PHF14: variants seen among roughly 807,000 people sequenced by gnomAD.
PHF14 encodes PHD finger protein 14.
In PHF14, 55 loss-of-function variants were observed where a neutral mutation model predicts 117.9. That is an observed-to-expected ratio of 0.47 (90% CI 0.38 to 0.58). PHF14 has a LOEUF of 0.58. Ranked by LOEUF, PHF14 falls within the 20% of genes least tolerant of loss-of-function variation. The pLI, the probability that PHF14 is intolerant of heterozygous loss-of-function variation, is 0.00. For synonymous variants in PHF14, 409 were observed against 368.6 expected (o/e 1.11, Z -1.26); for missense variants, 978 against 1,122.2 (o/e 0.87, Z 1.84).
intron 17 of PHF14, among the ~76,000 whole-genome samples, chr7:11,165,174 C>T (rs543239375): frequency 3.9e-5 from 6 of 152,290 alleles, no homozygotes; most frequent in South Asian, 2.1e-4. Flanking sequence ...CCGCCTGCCT[C>T]GGCCTCCCAA....
chr7:10,997,058 G>A (rs1782678552), intron 4 of PHF14, among the ~76,000 whole-genome samples: 2 of 152,174 alleles, frequency 1.3e-5, no homozygotes, highest in African/African-American at 4.8e-5. Context: ...GGTGCCTTTT[G>A]CATATTTGCC....
At chr7:11,014,115 A>T (rs1023316800) in intron 5 of PHF14, among the ~76,000 whole-genome samples, 1 of 152,178 alleles carries the variant, frequency 6.6e-6, no homozygotes, top group Non-Finnish European at 1.5e-5. Context: ...TTACATCCAT[A>T]ATCTTAATTA....
chr7:11,114,116 T>G (rs765287418), intron 17 of PHF14, among the ~76,000 whole-genome samples: 8 of 152,216 alleles, frequency 5.3e-5, no homozygotes, highest in Middle Eastern at 3.4e-3. Flanking sequence ...GCAAATAAAT[T>G]TAGATGGTAA....
Position 10,977,006 on chromosome 7 carries a change from A to G in PHF14, c.112+2061A>G, listed in dbSNP as rs148639360. Reference sequence around the variant, plus strand: ...AATGATTAGTAGTCAACAGAAATTGAATCATATTTTTGACTCTTGTTTTAG... The same window carrying G: ...AATGATTAGTAGTCAACAGAAATTGGATCATATTTTTGACTCTTGTTTTAG... On this transcript the variant is annotated intron_variant, in intron 2 of 17. Coordinates refer to ENST00000634607, the MANE Select transcript of PHF14 (RefSeq NM_001007157.2). Among the ~76,000 whole-genome samples, 596 of 151,814 alleles carry G rather than the reference A, an allele frequency of 3.9e-3. 6 individuals are homozygous for G. Among genetic ancestry groups the G allele is most frequent in the African/African-American group, 0.014 (569 of 41,414 alleles).
intron 17 of PHF14, among the ~76,000 whole-genome samples, chr7:11,144,837 A>G (rs556363751): frequency 6.6e-6 from 1 of 151,980 alleles, no homozygotes; most frequent in Admixed American, 6.6e-5. Context: ...CAAGTAAAAT[A>G]GCCAGTCACA....
intron 4 of PHF14, among the ~76,000 whole-genome samples, chr7:11,007,346 G>A (rs1783158198): frequency 6.6e-6 from 1 of 151,744 alleles, no homozygotes; most frequent in African/African-American, 2.4e-5. Context: ...TTTCCATCCT[G>A]TTCTGTATCC....
intron 16 of PHF14, chr7:11,104,580 G>C: frequency 1.0e-6 from 1 of 983,744 alleles, no homozygotes; most frequent in Non-Finnish European, 1.2e-6. Flanking sequence ...AGTAGGGAAA[G>C]GAAGAAACAT....
chr7:10,981,780 CT>C (rs1419330393), intron 2 of PHF14, among the ~76,000 whole-genome samples: 1 of 152,162 alleles, frequency 6.6e-6, no homozygotes, highest in Non-Finnish European at 1.5e-5. Flanking sequence ...GCTGTTGTCT[CT>C]TTTCACCTGT....
intron 17 of PHF14, among the ~76,000 whole-genome samples, chr7:11,115,231 G>A (rs1787561863): frequency 6.6e-6 from 1 of 151,796 alleles, no homozygotes; most frequent in Admixed American, 6.6e-5. Flanking sequence ...TTCTCATTCT[G>A]TTATGGTTCT....
chr7:11,067,858 C>G (rs1456343190), intron 16 of PHF14, among the ~76,000 whole-genome samples: 2 of 152,018 alleles, frequency 1.3e-5, no homozygotes, highest in African/African-American at 4.8e-5. Flanking sequence ...TACTATCCAA[C>G]TATCAAAGGA....
intron 17 of PHF14, among the ~76,000 whole-genome samples, chr7:11,151,586 G>T (rs1380032452): frequency 6.6e-6 from 1 of 151,910 alleles, no homozygotes; most frequent in Non-Finnish European, 1.5e-5. Flanking sequence ...CTTCATTTTT[G>T]TTGTTGTTGT....
intron 17 of PHF14, among the ~76,000 whole-genome samples, chr7:11,159,113 T>A (rs1458535772): frequency 6.6e-6 from 1 of 152,122 alleles, no homozygotes; most frequent in African/African-American, 2.4e-5. Flanking sequence ...TCTTATAAAC[T>A]TGAGTCAGTG....
intron 13 of PHF14, among the ~76,000 whole-genome samples, chr7:11,047,058 A>G (rs933736352): frequency 6.6e-6 from 1 of 151,576 alleles, no homozygotes; most frequent in Non-Finnish European, 1.5e-5. Flanking sequence ...TCTCTAAATT[A>G]GTCCACTTTC....
At position 11,042,719 on chromosome 7, in the gene PHF14, T is replaced by C; in HGVS notation, c.2217T>C (p.Leu739=). The C allele has an allele frequency of 6.3e-7, 1 of 1,592,450 alleles. No individual in the cohort carries two copies. The highest frequency in any genetic ancestry group is 8.6e-7 in the Non-Finnish European group (1 of 1,167,652). The change falls in exon 13 of 18, where the codon CTT becomes CTC. Residue 739 remains leucine, a synonymous_variant. Transcript: ENST00000634607. ...GICKKNHDQH[L]LLLCDTCKLH... is the part of the protein sequence containing the mutation. ...GTAAGAAGAACCATGATCAGCATCTTCTTTTATTGTGTGATACCTGTAAAC... is the reference window on the plus strand; with the variant it reads ...GTAAGAAGAACCATGATCAGCATCTCCTTTTATTGTGTGATACCTGTAAAC...
chr7:11,110,891 T>A (rs1192302148), intron 16 of PHF14: 2 of 152,820 alleles, frequency 1.3e-5, no homozygotes, highest in East Asian at 3.8e-4. Flanking sequence ...TGTAGCCTAG[T>A]AGAATTTCTG....
At chr7:10,976,865 TCCTGGCCC>T (rs781189201) in intron 2 of PHF14, among the ~76,000 whole-genome samples, 128 of 148,974 alleles carry the variant, frequency 8.6e-4, no homozygotes, top group Non-Finnish European at 1.1e-3. Context: ...TAATTTACCT[TCCTGGCCC>T]CCTGGGGAGC....
At chr7:11,129,456 A>G (rs1050865767) in intron 17 of PHF14, among the ~76,000 whole-genome samples, 3 of 152,010 alleles carry the variant, frequency 2.0e-5, no homozygotes, top group African/African-American at 7.2e-5. Context: ...TTAAAAGGAA[A>G]GTAAGTTGTC....
intron 16 of PHF14, among the ~76,000 whole-genome samples, chr7:11,073,283 C>T (rs1258158313): frequency 6.6e-6 from 1 of 152,174 alleles, no homozygotes; most frequent in Admixed American, 6.5e-5. Flanking sequence ...TTCCAAGATA[C>T]AATGGTGGTA....
At chr7:11,006,356 G>T in intron 4 of PHF14, 3 of 431,060 alleles carry the variant, frequency 7.0e-6, no homozygotes, top group Non-Finnish European at 9.0e-6. Flanking sequence ...TTTTTCTGGT[G>T]AAAACATACA....
Sources: allele counts gnomAD v4.1 joint callset (sites outside exome capture counted in the v4.1 genomes callset), GRCh38; gene constraint gnomAD v4.1.1; transcripts MANE v1.5; gene names NCBI Gene and HGNC (gene_info 2026-07-23, HGNC 2026-07-21).